ERAP1: variants seen among roughly 807,000 people sequenced by gnomAD.
The protein encoded by ERAP1 is adipocyte-derived leucine aminopeptidase.
ERAP1 carries 86 observed loss-of-function variants against 103.7 expected under a neutral mutation model. The ratio of observed to expected loss-of-function variants is 0.83; its 90% confidence interval spans 0.70 to 0.99. ERAP1 has a LOEUF of 0.99. Among genes scored for constraint, ERAP1 ranks in the 50% least tolerant of loss-of-function variants. The pLI, the probability that ERAP1 is intolerant of heterozygous loss-of-function variation, is 0.00. For missense variants in ERAP1, 1,009 were observed against 1,128.4 expected (o/e 0.89, Z 1.52); for synonymous variants, 398 against 402.4 (o/e 0.99, Z 0.13).
chr5:96,922,098 A>C, the ERAP1 span, among the ~76,000 whole-genome samples: 2 of 151,942 alleles, frequency 1.3e-5, no homozygotes, highest in Admixed American at 1.3e-4. Context: ...GGAGATCGAG[A>C]CCATCCTGGC....
the ERAP1 span, chr5:96,881,429 T>A: frequency 2.2e-6 from 1 of 456,240 alleles, no homozygotes; most frequent in Non-Finnish European, 4.4e-6. Flanking sequence ...GAATCAAGGA[T>A]GCTTCATAGA....
chr5:96,892,388 A>G, the ERAP1 span: 1 of 1,614,066 alleles, frequency 6.2e-7, no homozygotes. Context: ...TTTTGACCCC[A>G]AGACCTCTTC....
the ERAP1 span, among the ~76,000 whole-genome samples, chr5:96,920,602 C>T: frequency 6.6e-6 from 1 of 152,230 alleles, no homozygotes; most frequent in Non-Finnish European, 1.5e-5. Context: ...CAAACATAAG[C>T]CTGCTCAAAA....
At chr5:96,811,742 C>A (rs1403599641), upstream of ERAP1, among the ~76,000 whole-genome samples, 1 of 152,216 alleles carries the variant, frequency 6.6e-6, no homozygotes, top group Non-Finnish European at 1.5e-5. Context: ...CCACAGCTGC[C>A]CTTGAACTTC....
At chr5:96,828,685 A>G in the ERAP1 span, among the ~76,000 whole-genome samples, 13 of 152,146 alleles carry the variant, frequency 8.5e-5, no homozygotes, top group Non-Finnish European at 1.8e-4. Context: ...TCCTGGACAT[A>G]TGGGAATTTG....
At chr5:96,860,798 C>T in the ERAP1 span, among the ~76,000 whole-genome samples, 1 of 152,124 alleles carries the variant, frequency 6.6e-6, no homozygotes, top group African/African-American at 2.4e-5. Flanking sequence ...CCTCACTTTT[C>T]AGTCCCACTG....
the ERAP1 span, among the ~76,000 whole-genome samples, chr5:96,929,871 C>T: frequency 6.6e-6 from 1 of 151,962 alleles, no homozygotes; most frequent in Admixed American, 6.6e-5. Flanking sequence ...ATATAAGTGC[C>T]TTAGGGCACT....
At chr5:96,903,408 G>A in the ERAP1 span, 7 of 1,613,360 alleles carry the variant, frequency 4.3e-6, no homozygotes, top group African/African-American at 8.0e-5. Context: ...AGACCAGTTG[G>A]GTGAAATTTA....
Position 96,774,771 on chromosome 5 carries a change from A to C in ERAP1, c.*1625T>G. On this transcript the variant is annotated 3_prime_UTR_variant, in exon 19 of 19. Coordinates refer to ENST00000443439, the MANE Select transcript of ERAP1 (RefSeq NM_001040458.3). Reference sequence around the variant, plus strand: ...GATTTCTATTTTTATTAAACCATTCACTACAACAAATAAGTATAAAAATTC... The same window carrying C: ...GATTTCTATTTTTATTAAACCATTCCCTACAACAAATAAGTATAAAAATTC... 1.0e-6 allele frequency: 1 copy of C among 984,124 alleles called. No individual in the cohort carries two copies. Among genetic ancestry groups the C allele is most frequent in the Middle Eastern group, 5.2e-4 (1 of 1,910 alleles). 61.0% of individuals were successfully genotyped at this position (984,124 alleles called of 1,614,324 possible).
chr5:96,799,376 G>A (rs1035260422), intron 3 of ERAP1, among the ~76,000 whole-genome samples: 3 of 151,866 alleles, frequency 2.0e-5, no homozygotes, highest in Non-Finnish European at 2.9e-5. Flanking sequence ...CAGGCTACTC[G>A]TATTAGATTT....
chr5:96,906,746 C>T, the ERAP1 span, among the ~76,000 whole-genome samples: 362 of 152,178 alleles, frequency 2.4e-3, 5 homozygotes, highest in African/African-American at 8.3e-3. Context: ...AAGAGAAAAC[C>T]CCACATTGGG....
At chr5:96,845,899 A>AT in the ERAP1 span, among the ~76,000 whole-genome samples, 13 of 151,754 alleles carry the variant, frequency 8.6e-5, no homozygotes, top group African/African-American at 1.9e-4. Context: ...AAACCTTTGG[A>AT]TTTTTTTTTG....
chr5:96,894,558 A>G, the ERAP1 span, among the ~76,000 whole-genome samples: 1 of 152,246 alleles, frequency 6.6e-6, no homozygotes, highest in African/African-American at 2.4e-5. Flanking sequence ...AAAAGCACAT[A>G]AAAGAATAGT....
chr5:96,841,762 T>TTG, the ERAP1 span, among the ~76,000 whole-genome samples: 1 of 150,566 alleles, frequency 6.6e-6, no homozygotes, highest in Non-Finnish European at 1.5e-5. Context: ...TTTTTTTTTT[T>TTG]TTTTGAGCAT....
the ERAP1 span, chr5:96,910,415 T>C: frequency 6.6e-6 from 1 of 152,110 alleles, no homozygotes; most frequent in Non-Finnish European, 1.5e-5. Flanking sequence ...TTTTGGACTT[T>C]TTTTCCTTGT....
At chr5:96,931,072 G>A in the ERAP1 span, among the ~76,000 whole-genome samples, 1 of 152,110 alleles carries the variant, frequency 6.6e-6, no homozygotes, top group Non-Finnish European at 1.5e-5. Flanking sequence ...GAGGCAACAA[G>A]GCTGTAAATC....
At chr5:96,780,395 A>C in intron 18 of ERAP1, 28 bp downstream of exon 18, 1 of 1,469,092 alleles carries the variant, frequency 6.8e-7, no homozygotes, top group South Asian at 1.3e-5. Flanking sequence ...TATGTTTAAA[A>C]ATATATATAT....
Position 96,803,698 on chromosome 5 carries a change from A to G in ERAP1, c.229T>C (p.Trp77Arg), listed in dbSNP as rs1471856830. 2.0e-5 allele frequency: 32 copies of G among 1,614,102 alleles called. No homozygotes were observed. Among genetic ancestry groups the G allele is most frequent in the Non-Finnish European group, 2.7e-5 (32 of 1,180,046 alleles). Residue 77 changes from tryptophan to arginine, a missense_variant, in exon 2 of 19, where the codon TGG becomes CGG. Physicochemically the swap from Trp to Arg is moderately radical, Grantham distance 101. Around this residue, in one of 3 missense-constraint regions of ERAP1, gnomAD observed 392 missense variants for 455.2 expected, o/e 0.86. Transcript: ENST00000443439. ...GTGATTTCTACTTTCGTGGTTCCCCAGAAGGTCAGCGTGGTAAGGTTTGCA... is the reference window on the plus strand; with the variant it reads ...GTGATTTCTACTTTCGTGGTTCCCCGGAAGGTCAGCGTGGTAAGGTTTGCA... ...IHANLTTLTFWGTTKVEITAS... is the reference protein window; with the variant it reads ...IHANLTTLTFRGTTKVEITAS...
At chr5:96,826,111 G>A in the ERAP1 span, among the ~76,000 whole-genome samples, 1 of 152,322 alleles carries the variant, frequency 6.6e-6, no homozygotes, top group East Asian at 1.9e-4. Flanking sequence ...TGGTGTTACT[G>A]GCTGGCCAGA....
Sources: gnomAD v4.1 joint callset for allele counts (sites outside exome capture counted in the v4.1 genomes callset) on GRCh38, gnomAD v4.1.1 for gene constraint, gnomAD v4.1.1 regional missense constraint, MANE v1.5 for transcripts, NCBI Gene and HGNC (gene_info 2026-07-23, HGNC 2026-07-21) for gene names.